Variants in LAMP2 observed in about 807,000 individuals in gnomAD.
LAMP2 encodes the protein lysosome associated membrane protein 2.
A neutral mutation model predicts 25.6 loss-of-function variants in LAMP2; 4 were observed. The observed-to-expected ratio is 0.16, with a 90% confidence interval of 0.08 to 0.36. LAMP2 has a LOEUF of 0.36. Among genes scored for constraint, LAMP2 ranks in the 10% least tolerant of loss-of-function variants. The pLI is 1.00. For missense variants in LAMP2, 272 were observed against 301.4 expected (o/e 0.90, Z 0.72); for synonymous variants, 108 against 112.7 (o/e 0.96, Z 0.27).
At chrX:120,460,291 C>T (rs1203340880) in intron 1 of LAMP2, among the ~76,000 whole-genome samples, 2 of 109,868 alleles carry the variant, frequency 1.8e-5, no homozygotes, top group Admixed American at 9.7e-5. Flanking sequence ...AAAATCATAA[C>T]GAGGAGGAGG....
chrX:120,455,760 T>C (rs1379447497), intron 2 of LAMP2, among the ~76,000 whole-genome samples, 190 bp from the exon 3 acceptor site: 1 of 109,340 alleles, frequency 9.1e-6, no homozygotes. Flanking sequence ...AATTCGTGTA[T>C]GTCTAAAAAG....
intron 3 of LAMP2, among the ~76,000 whole-genome samples, chrX:120,449,341 A>G (rs893679616): frequency 2.1e-4 from 24 of 112,872 alleles, no homozygotes; most frequent in African/African-American, 7.1e-4. Flanking sequence ...GGGGCTGGGC[A>G]CAGTGGCCCA....
chrX:120,454,978 C>CTATATATACTAGTGTATATATATATACAT (rs2058639085), intron 3 of LAMP2, among the ~76,000 whole-genome samples: 1 of 86,451 alleles, frequency 1.2e-5, no homozygotes, highest in African/African-American at 4.4e-5. Context: ...TATATATATA[C>CTATATATACTAGTGTATATATATATACAT]ATATATACTA....
intron 8 of LAMP2, chrX:120,439,031 C>A: frequency 1.8e-6 from 2 of 1,133,312 alleles, no homozygotes; most frequent in Admixed American, 2.7e-5. Flanking sequence ...GTTTGAAATC[C>A]CCCATACCAC....
Position 120,429,565 on chromosome X carries a change from G to C in LAMP2, c.*1758C>G. 1.3e-6 allele frequency: 1 copy of C among 749,729 alleles called. No homozygotes were observed. The highest frequency in any genetic ancestry group is 1.6e-6 in the Non-Finnish European group (1 of 635,782). The allele number at this position is 749,729 out of a possible 1,213,427, so 61.8% of individuals were successfully genotyped here. On this transcript the variant is annotated 3_prime_UTR_variant, in exon 9 of 9. Coordinates refer to ENST00000200639, the MANE Select transcript of LAMP2 (RefSeq NM_002294.3). ...GGATTAGGTTTTGAAGTAGCAAACAGAGATTAAAATAGAAGTGTTTTGGTA... is the reference window on the plus strand; with the variant it reads ...GGATTAGGTTTTGAAGTAGCAAACACAGATTAAAATAGAAGTGTTTTGGTA...
chrX:120,468,534 T>G, intron 1 of LAMP2, among the ~76,000 whole-genome samples: 1 of 110,315 alleles, frequency 9.1e-6, no homozygotes, highest in Non-Finnish European at 1.9e-5. Flanking sequence ...CTTCACAGTC[T>G]CAAATTCCAA....
At chrX:120,438,158 AG>A (rs1408282274) in intron 8 of LAMP2, 1 of 747,235 alleles carries the variant, frequency 1.3e-6, no homozygotes, top group Non-Finnish European at 1.6e-6. Flanking sequence ...CGCCCAGCCT[AG>A]ATGCAAGTTA....
At chrX:120,442,032 A>G in intron 7 of LAMP2, 138 bp from the exon 8 acceptor site, 2 of 521,796 alleles carry the variant, frequency 3.8e-6, no homozygotes, top group Non-Finnish European at 6.7e-6. Flanking sequence ...TGAGCCCAGG[A>G]GATCAAGACC....
intron 8 of LAMP2, chrX:120,438,144 G>A (rs745587553): frequency 4.9e-5 from 36 of 735,479 alleles, no homozygotes; most frequent in African/African-American, 9.3e-5. Flanking sequence ...GGCGTGAGCC[G>A]CCACGCCCAG....
At chrX:120,450,867 T>C (rs1314041187) in intron 3 of LAMP2, among the ~76,000 whole-genome samples, 1 of 106,638 alleles carries the variant, frequency 9.4e-6, no homozygotes, top group African/African-American at 3.6e-5. Context: ...ATATAATCTT[T>C]ATATATATAT....
intron 2 of LAMP2, among the ~76,000 whole-genome samples, chrX:120,455,837 G>A (rs1489404362): frequency 1.9e-5 from 2 of 107,083 alleles, no homozygotes; most frequent in Non-Finnish European, 3.9e-5. Context: ...TGTAAGTAGT[G>A]AGGACCTTAA....
chrX:120,435,687 G>A (rs1014293555), intron 8 of LAMP2, among the ~76,000 whole-genome samples: 8 of 112,157 alleles, frequency 7.1e-5, no homozygotes, highest in Admixed American at 5.7e-4. Flanking sequence ...ACTGGATGAA[G>A]AAATTGAGAC....
intron 6 of LAMP2, 61 bp from the exon 7 acceptor site, chrX:120,442,723 C>T (rs2058579169): frequency 2.2e-5 from 19 of 864,511 alleles, no homozygotes; most frequent in Middle Eastern, 2.8e-4. Flanking sequence ...ATAACAGATA[C>T]GGTTAATACC....
At chrX:120,458,202 C>T (rs1361064541) in intron 1 of LAMP2, among the ~76,000 whole-genome samples, 3 of 111,947 alleles carry the variant, frequency 2.7e-5, no homozygotes, top group African/African-American at 9.8e-5. Context: ...TTTTTATATG[C>T]AGTCTTTTCT....
chrX:120,428,672 T>C lies in LAMP2; in HGVS notation c.*2651A>G. 6.2e-6 allele frequency: 7 copies of C among 1,132,349 alleles called. No individual in the cohort carries two copies. The highest frequency in any genetic ancestry group is 8.1e-6 in the Non-Finnish European group (7 of 861,444). The allele number at this position is 1,132,349 out of a possible 1,213,427, so 93.3% of individuals were successfully genotyped here. ...GCAAGGAAAGGAAATTAGCAAAGAA[T>C]GCAATTAAGTAGTAAAAAGCATGCA... On this transcript the variant is annotated 3_prime_UTR_variant, in exon 9 of 9. Coordinates refer to ENST00000200639, the MANE Select transcript of LAMP2 (RefSeq NM_002294.3).
rs1190462536 is a variant in LAMP2 at position 120,427,323 on chromosome X, C to T, written c.*4000G>A. 9.0e-6 allele frequency among the ~76,000 whole-genome samples: 1 copy of T among 111,372 alleles called. No homozygotes were observed. The highest frequency in any genetic ancestry group is 9.6e-5 in the Admixed American group (1 of 10,387). ...ACCCTAGACAACTTCAACACTGCTT[C>T]CAAATAAAAGGGCAATTCAACAGCT... On this transcript the variant is annotated 3_prime_UTR_variant, in exon 9 of 9. Coordinates refer to ENST00000200639, the MANE Select transcript of LAMP2 (RefSeq NM_002294.3).
At chrX:120,450,595 G>A (rs957856848) in intron 3 of LAMP2, among the ~76,000 whole-genome samples, 5 of 111,063 alleles carry the variant, frequency 4.5e-5, no homozygotes, top group Non-Finnish European at 3.8e-5. Context: ...TTATGAACAC[G>A]TACTTATATA....
intron 3 of LAMP2, among the ~76,000 whole-genome samples, chrX:120,451,394 T>C (rs1356804164): frequency 8.9e-6 from 1 of 112,162 alleles, no homozygotes; most frequent in African/African-American, 3.2e-5. Context: ...TCAAGCGATC[T>C]GCCTGGCCTT....
rs587781015 is a variant in LAMP2, at chrX:120,469,196, G to A, written c.-27C>T. 7 of 1,203,932 alleles carry A rather than the reference G, an allele frequency of 5.8e-6. No homozygotes were observed. The East Asian group carries it at 2.1e-4, about 36-fold the overall frequency. Reference sequence around the variant, plus strand: ...ACCCCGCAGAGCAGGCGGCGACGGCGGCGACGGCGGCGGTACAACAACAGC... The same window carrying A: ...ACCCCGCAGAGCAGGCGGCGACGGCAGCGACGGCGGCGGTACAACAACAGC... On this transcript the variant is annotated 5_prime_UTR_variant, in exon 1 of 9. Coordinates refer to ENST00000200639, the MANE Select transcript of LAMP2 (RefSeq NM_002294.3).
Sources: allele counts gnomAD v4.1 joint callset (sites outside exome capture counted in the v4.1 genomes callset), GRCh38; gene constraint gnomAD v4.1.1; transcripts MANE v1.5; gene names NCBI Gene and HGNC (gene_info 2026-07-23, HGNC 2026-07-21).